The following NEMF variants were observed in gnomAD, a reference collection of about 807,000 sequenced individuals.
NEMF encodes ribosome quality control complex subunit NEMF.
A neutral mutation model predicts 162.2 loss-of-function variants in NEMF; 89 were observed. The ratio of observed to expected loss-of-function variants is 0.55; its 90% CI spans 0.46 to 0.65. The LOEUF is 0.65. NEMF is among the 30% of genes least tolerant of loss of function. The pLI, the probability that NEMF is intolerant of heterozygous loss-of-function variation, is 0.00. For synonymous variants in NEMF, 421 were observed against 404.5 expected (o/e 1.04, Z -0.49); for missense variants, 1,133 against 1,261.9 (o/e 0.90, Z 1.55).
intron 3 of NEMF, among the ~76,000 whole-genome samples, chr14:49,846,675 G>C (rs1241824992): frequency 1.3e-5 from 2 of 152,148 alleles, no homozygotes; most frequent in African/African-American, 4.8e-5. Flanking sequence ...ATGTTGCCCA[G>C]GCTAATCTCA....
chr14:49,849,453 C>T (rs1893668044), intron 3 of NEMF, among the ~76,000 whole-genome samples: 1 of 152,202 alleles, frequency 6.6e-6, no homozygotes, highest in South Asian at 2.1e-4. Context: ...ACTGGAACAA[C>T]CACTGTGATT....
intron 29 of NEMF, chr14:49,786,079 T>C (rs780530207): frequency 1.3e-5 from 2 of 152,438 alleles, no homozygotes; most frequent in African/African-American, 2.4e-5. Flanking sequence ...CAATGGGCAA[T>C]GTCTAGAGAT....
rs1322271905 is a variant in NEMF, at chr14:49,784,593, T to C, written c.*43A>G. On this transcript the variant is annotated 3_prime_UTR_variant, in exon 33 of 33. Transcript: ENST00000298310. ...TTTCATCTTTGAACTTCCAAAAGGC[T>C]ATAAAATTGGCTCTTCTCAAATATT... 7.3e-7 allele frequency: 1 copy of C among 1,372,478 alleles called. No individual in the cohort carries two copies. The highest frequency in any genetic ancestry group is 1.0e-6 in the Non-Finnish European group (1 of 969,518). The allele number at this position is 1,372,478 out of a possible 1,614,324, so 85.0% of individuals were successfully genotyped here.
At chr14:49,793,587 T>G (rs561322507) in intron 26 of NEMF, among the ~76,000 whole-genome samples, 7 of 152,344 alleles carry the variant, frequency 4.6e-5, no homozygotes, top group African/African-American at 1.7e-4. Context: ...TATCAGGATT[T>G]GCCTTGAAAC....
intron 16 of NEMF, among the ~76,000 whole-genome samples, chr14:49,816,967 G>C (rs1427696467): frequency 6.6e-6 from 1 of 152,098 alleles, no homozygotes; most frequent in Non-Finnish European, 1.5e-5. Flanking sequence ...GAACAAATGG[G>C]ACAAGCAAAA....
chr14:49,841,196 C>CAAAAAAAAAAAA (rs34039009), intron 4 of NEMF, among the ~76,000 whole-genome samples: 1 of 56,800 alleles, frequency 1.8e-5, no homozygotes, highest in Non-Finnish European at 3.1e-5. Context: ...AACTCTGTCT[C>CAAAAAAAAAAAA]AAAAAAAAAA....
chr14:49,791,271 G>A (rs1376494257), intron 26 of NEMF, among the ~76,000 whole-genome samples: 1 of 151,958 alleles, frequency 6.6e-6, no homozygotes, highest in Admixed American at 6.6e-5. Flanking sequence ...GGAGGCAGAG[G>A]TTGCAGTGAG....
intron 25 of NEMF, among the ~76,000 whole-genome samples, chr14:49,797,631 G>A (rs967320479): frequency 4.0e-5 from 6 of 151,878 alleles, no homozygotes; most frequent in Non-Finnish European, 5.9e-5. Context: ...GCGAGACTCC[G>A]TCTCAAAAAA....
intron 25 of NEMF, among the ~76,000 whole-genome samples, chr14:49,796,757 T>C (rs1054736430): frequency 2.0e-5 from 3 of 152,218 alleles, no homozygotes. Flanking sequence ...TACTCCACTT[T>C]TAGTCCAAAT....
chr14:49,837,389 C>T (rs1423049313), intron 6 of NEMF, among the ~76,000 whole-genome samples: 3 of 152,120 alleles, frequency 2.0e-5, no homozygotes, highest in South Asian at 2.1e-4. Flanking sequence ...TGGTGGCTCA[C>T]GTCTATAATC....
At chr14:49,810,440 C>T (rs1364509240) in intron 18 of NEMF, among the ~76,000 whole-genome samples, 1 of 151,870 alleles carries the variant, frequency 6.6e-6, no homozygotes, top group Non-Finnish European at 1.5e-5. Context: ...TCTTGGCACC[C>T]CTGCTGAAAA....
chr14:49,803,191 TA>T, intron 20 of NEMF, 45 bp downstream of exon 20: 1 of 1,301,734 alleles, frequency 7.7e-7, no homozygotes, highest in Non-Finnish European at 1.1e-6. Context: ...CCTGTCTCCA[TA>T]ATCCATTGAC....
intron 10 of NEMF, 112 bp from the exon 11 acceptor site, chr14:49,831,473 T>TG: frequency 1.4e-6 from 1 of 695,232 alleles, no homozygotes; most frequent in Non-Finnish European, 2.5e-6. Context: ...AGTCTCACTC[T>TG]GTTGCCCAGG....
Position 49,799,619 on chromosome 14 carries a change from A to G in NEMF, c.2415+17T>C, listed in dbSNP as rs1409291334. 1 of 1,606,032 alleles carries G rather than the reference A, an allele frequency of 6.2e-7. No individual in the cohort carries two copies. Among genetic ancestry groups the G allele is most frequent in the South Asian group, 1.1e-5 (1 of 88,912 alleles). On this transcript the variant is annotated intron_variant, in intron 24 of 32. Coordinates refer to ENST00000298310, the MANE Select transcript of NEMF (RefSeq NM_004713.6). Reference sequence around the variant, plus strand: ...ACTGAGAATCGGATGTTCTTCATAAAACTGAAAATAGCTTACAGAATTAGA... The same window carrying G: ...ACTGAGAATCGGATGTTCTTCATAAGACTGAAAATAGCTTACAGAATTAGA...
chr14:49,831,728 A>C (rs1182640097), intron 10 of NEMF, among the ~76,000 whole-genome samples: 1 of 152,218 alleles, frequency 6.6e-6, no homozygotes, highest in Non-Finnish European at 1.5e-5. Flanking sequence ...TGAGCCAGCA[A>C]GCCCAGCTGC....
At chr14:49,824,868 C>T (rs1566685896) in intron 16 of NEMF, among the ~76,000 whole-genome samples, 1 of 151,972 alleles carries the variant, frequency 6.6e-6, no homozygotes, top group Non-Finnish European at 1.5e-5. Context: ...AAAGAGTTTC[C>T]AAAACAGAGA....
chr14:49,834,581 G>A (rs1402336281), intron 6 of NEMF, 132 bp from the exon 7 acceptor site: 1 of 567,326 alleles, frequency 1.8e-6, no homozygotes. Flanking sequence ...TGCAACCTCT[G>A]CCTCCCACCT....
chr14:49,788,554 CTCTCT>C (rs1302220353), intron 28 of NEMF, among the ~76,000 whole-genome samples: 85 of 67,204 alleles, frequency 1.3e-3, no homozygotes, highest in African/African-American at 4.0e-3. Flanking sequence ...AATTTTCTCT[CTCTCT>C]TTTTTTTTTT....
In NEMF at chr14:49,789,141, C is replaced by T; in HGVS notation, c.2895+5G>A. Reference sequence around the variant, plus strand: ...AAGAAGCAGAAGCCCACAAAGTAGCCATACCTTGTCATCATGTGGATCATC... The same window carrying T: ...AAGAAGCAGAAGCCCACAAAGTAGCTATACCTTGTCATCATGTGGATCATC... On this transcript the variant is annotated splice_donor_5th_base_variant and intron_variant, in intron 28 of 32. Coordinates refer to ENST00000298310, the MANE Select transcript of NEMF (RefSeq NM_004713.6). 6.2e-7 allele frequency: 1 copy of T among 1,610,294 alleles called. No homozygotes were observed. Among genetic ancestry groups the T allele is most frequent in the East Asian group, 2.2e-5 (1 of 44,854 alleles).
Sources: gnomAD v4.1 joint callset for allele counts (sites outside exome capture counted in the v4.1 genomes callset) on GRCh38, gnomAD v4.1.1 for gene constraint, MANE v1.5 for transcripts, NCBI Gene and HGNC (gene_info 2026-07-23, HGNC 2026-07-21) for gene names.